The following RABGAP1L variants were observed in gnomAD, a reference collection of about 807,000 sequenced individuals.
The protein encoded by RABGAP1L is RAB GTPase activating protein 1 like, also known as rab GTPase-activating protein 1-like.
Under a neutral mutation model 137.7 loss-of-function variants are expected in RABGAP1L, and 63 were observed. That is an observed-to-expected ratio of 0.46 (90% CI 0.37 to 0.56). The LOEUF (loss-of-function observed/expected upper bound fraction) is 0.56, where lower values mean the gene tolerates loss of function less well. Ranked by LOEUF, RABGAP1L falls within the 20% of genes least tolerant of loss-of-function variation. The pLI is 0.00. For missense variants in RABGAP1L, 1,095 were observed against 1,244.0 expected, an observed-to-expected ratio of 0.88 and a Z score of 1.80; for synonymous variants, 431 against 433.7, an observed-to-expected ratio of 0.99 and a Z score of 0.08.
At chr1:174,819,262 T>TAAGTACAA (rs1401630023) in intron 19 of RABGAP1L, among the ~76,000 whole-genome samples, 1 of 137,076 alleles carries the variant, frequency 7.3e-6, no homozygotes, top group Non-Finnish European at 1.5e-5. Flanking sequence ...GAGAGATGAG[T>TAAGTACAA]AAGTACAAGA....
chr1:174,299,289 C>G (rs945079036), intron 10 of RABGAP1L, among the ~76,000 whole-genome samples: 1 of 152,152 alleles, frequency 6.6e-6, no homozygotes, highest in African/African-American at 2.4e-5. Context: ...CTCTTAGGGT[C>G]CCAAGATAAA....
chr1:174,364,200 C>T (rs1308033031), intron 11 of RABGAP1L, among the ~76,000 whole-genome samples: 3 of 142,154 alleles, frequency 2.1e-5, no homozygotes, highest in Non-Finnish European at 4.6e-5. Flanking sequence ...ATTACGACTT[C>T]GATCTTGTTA....
At chr1:174,513,235 A>T in intron 13 of RABGAP1L, among the ~76,000 whole-genome samples, 1 of 152,288 alleles carries the variant, frequency 6.6e-6, no homozygotes, top group Admixed American at 6.5e-5. Context: ...TATAATTTTA[A>T]GTATTATTTA....
chr1:174,783,720 T>TC (rs1687216043), intron 18 of RABGAP1L, among the ~76,000 whole-genome samples: 1 of 144,168 alleles, frequency 6.9e-6, no homozygotes, highest in African/African-American at 2.6e-5. Context: ...TTTTTTTTTT[T>TC]TTTTTTTGAG....
chr1:174,952,517 A>C (rs1003115979), intron 19 of RABGAP1L, among the ~76,000 whole-genome samples: 1 of 152,018 alleles, frequency 6.6e-6, no homozygotes, highest in Non-Finnish European at 1.5e-5. Context: ...TCTCTTAAAA[A>C]AAAAAATGAT....
At chr1:174,459,140 C>T (rs1656386427) in intron 13 of RABGAP1L, among the ~76,000 whole-genome samples, 1 of 151,974 alleles carries the variant, frequency 6.6e-6, no homozygotes, top group African/African-American at 2.4e-5. Context: ...AATGAAAATA[C>T]AAAGCAATTT....
intron 20 of RABGAP1L, among the ~76,000 whole-genome samples, chr1:174,961,506 TTTAA>T (rs1225520985): frequency 6.6e-6 from 1 of 152,080 alleles, no homozygotes; most frequent in Non-Finnish European, 1.5e-5. Context: ...GCTTTTCTGG[TTTAA>T]TTAAATAACT....
rs117037778 is a variant in RABGAP1L at position 174,559,111 on chromosome 1, A to G, written c.1711-78264A>G. On this transcript the variant is annotated intron_variant, in intron 13 of 25. Transcript: ENST00000681986. ...ATCCTTTCCAAGCTATGCTTTTGTTACTTAAGTATTCACTGAAATGTAAAT... is the reference window on the plus strand; with the variant it reads ...ATCCTTTCCAAGCTATGCTTTTGTTGCTTAAGTATTCACTGAAATGTAAAT... Among the ~76,000 whole-genome samples the G allele has an allele frequency of 1.4e-4, 21 of 152,274 alleles. No homozygotes were observed. The East Asian group carries it at 4.1e-3, about 29-fold the overall frequency.
At chr1:174,454,297 AT>A (rs1382765316) in intron 13 of RABGAP1L, among the ~76,000 whole-genome samples, 1 of 152,182 alleles carries the variant, frequency 6.6e-6, no homozygotes, top group African/African-American at 2.4e-5. Flanking sequence ...TATTTAAAAA[AT>A]ATTTTAACAT....
intron 13 of RABGAP1L, among the ~76,000 whole-genome samples, chr1:174,566,330 T>G (rs1667585058): frequency 1.3e-5 from 2 of 152,098 alleles, no homozygotes; most frequent in Admixed American, 1.3e-4. Flanking sequence ...TTAATTTCGT[T>G]TTTTCTTTTA....
chr1:174,398,851 T>A (rs575079142), intron 13 of RABGAP1L, among the ~76,000 whole-genome samples: 10 of 152,338 alleles, frequency 6.6e-5, no homozygotes, highest in African/African-American at 2.2e-4. Flanking sequence ...AGTTGAGATC[T>A]ATTATGGAAT....
intron 19 of RABGAP1L, among the ~76,000 whole-genome samples, chr1:174,901,730 G>A (rs751687357): frequency 1.3e-5 from 2 of 152,108 alleles, no homozygotes; most frequent in Admixed American, 6.5e-5. Flanking sequence ...AAGTGTTAAC[G>A]GTCATTTGGA....
In RABGAP1L at chr1:174,307,102, A is replaced by G. The variant is rs143320784; in HGVS notation, c.1465+1975A>G. 3.3e-5 allele frequency among the ~76,000 whole-genome samples: 5 copies of G among 152,284 alleles called. 1 individual carries two copies. In the East Asian group the frequency reaches 9.7e-4, roughly 29 times the overall value. On this transcript the variant is annotated intron_variant, in intron 11 of 25. Coordinates refer to ENST00000681986, the MANE Select transcript of RABGAP1L (RefSeq NM_001366446.1). ...TTACAATCCCATGAATACTCTTATT[A>G]ACTTGGTTTTAAGGATGAGAAACTG...
chr1:174,916,908 G>A (rs150639959), intron 19 of RABGAP1L, among the ~76,000 whole-genome samples: 10 of 152,258 alleles, frequency 6.6e-5, no homozygotes, highest in Admixed American at 6.5e-4. Flanking sequence ...ACCAAACACC[G>A]TATACAATAT....
At chr1:174,354,352 A>AT (rs1191505781) in intron 11 of RABGAP1L, among the ~76,000 whole-genome samples, 6 of 151,850 alleles carry the variant, frequency 4.0e-5, no homozygotes, top group African/African-American at 1.5e-4. Context: ...CACTTGCTTA[A>AT]TTTTTTTATT....
chr1:174,713,103 C>G (rs1326327686), intron 17 of RABGAP1L, among the ~76,000 whole-genome samples: 1 of 152,130 alleles, frequency 6.6e-6, no homozygotes, highest in African/African-American at 2.4e-5. Context: ...ACTTCCTTGC[C>G]CCCATACTAT....
At chr1:174,314,837 A>T (rs1311210640) in intron 11 of RABGAP1L, among the ~76,000 whole-genome samples, 1 of 151,920 alleles carries the variant, frequency 6.6e-6, no homozygotes, top group African/African-American at 2.4e-5. Context: ...GTTTTATTCC[A>T]CTGTGGTCGA....
At chr1:174,698,663 T>C (rs902500069) in intron 15 of RABGAP1L, among the ~76,000 whole-genome samples, 1 of 152,112 alleles carries the variant, frequency 6.6e-6, no homozygotes, top group Non-Finnish European at 1.5e-5. Flanking sequence ...TGGAATACTA[T>C]GTAATTGCTT....
At chr1:174,400,119 A>G (rs1443497197) in intron 13 of RABGAP1L, among the ~76,000 whole-genome samples, 1 of 152,194 alleles carries the variant, frequency 6.6e-6, no homozygotes, top group East Asian at 1.9e-4. Flanking sequence ...GCCTACAAAT[A>G]TGCTTTGTAT....
Sources: gnomAD v4.1 joint callset for allele counts (sites outside exome capture counted in the v4.1 genomes callset) on GRCh38, gnomAD v4.1.1 for gene constraint, MANE v1.5 for transcripts, NCBI Gene and HGNC (gene_info 2026-07-23, HGNC 2026-07-21) for gene names.